Variants in TUFT1 observed in about 807,000 individuals in gnomAD.
The protein encoded by TUFT1 is tuftelin.
A neutral mutation model predicts 57.8 loss-of-function variants in TUFT1; 43 were observed. The ratio of observed to expected loss-of-function variants is 0.74; its 90% CI spans 0.58 to 0.96. The LOEUF is 0.96. TUFT1 is among the 40% of genes least tolerant of loss of function. TUFT1 has a pLI of 0.00. For synonymous variants in TUFT1, 166 were observed against 176.7 expected, an observed-to-expected ratio of 0.94 and a Z score of 0.48; for missense variants, 459 against 489.0, an observed-to-expected ratio of 0.94 and a Z score of 0.58.
At chr1:151,546,621 G>A (rs930214534) in intron 1 of TUFT1, among the ~76,000 whole-genome samples, 1 of 151,980 alleles carries the variant, frequency 6.6e-6, no homozygotes, top group Non-Finnish European at 1.5e-5. Context: ...TGTAATCATC[G>A]GTATGTGATC....
chr1:151,578,012 T>G, intron 9 of TUFT1, among the ~76,000 whole-genome samples: 1 of 148,642 alleles, frequency 6.7e-6, no homozygotes, highest in African/African-American at 2.5e-5. Flanking sequence ...GGCTACAGAG[T>G]GAGACCCTGT....
Position 151,583,350 on chromosome 1 carries a change from T to C in TUFT1, c.*1643T>C, listed in dbSNP as rs2102564026. 6.6e-6 allele frequency: 1 copy of C among 152,338 alleles called. No individual in the cohort carries two copies. The highest frequency in any genetic ancestry group is 2.4e-5 in the African/African-American group (1 of 41,578). 9.4% of individuals were successfully genotyped at this position (152,338 alleles called of 1,614,324 possible). A position where few individuals can be genotyped will look rare whatever the true frequency, so the allele number is the denominator to read the frequency against. On this transcript the variant is annotated 3_prime_UTR_variant, in exon 13 of 13. Transcript: ENST00000368849. ...AAATGTGGATTAAGTGTTTAGGCTC[T>C]ATGTGGCTCACGCAGCCAGAATCCT...
At chr1:151,549,797 C>T (rs1410006916) in intron 1 of TUFT1, among the ~76,000 whole-genome samples, 1 of 152,208 alleles carries the variant, frequency 6.6e-6, no homozygotes, top group East Asian at 1.9e-4. Context: ...TCTTGGCTCA[C>T]TGCCGCCTTG....
chr1:151,542,650 C>G (rs1400793174), intron 1 of TUFT1, among the ~76,000 whole-genome samples: 1 of 152,144 alleles, frequency 6.6e-6, no homozygotes, highest in Non-Finnish European at 1.5e-5. Flanking sequence ...TGAAGCTAAC[C>G]AGAGACCTCT....
intron 9 of TUFT1, among the ~76,000 whole-genome samples, chr1:151,576,718 C>T (rs370899269): frequency 2.0e-4 from 30 of 152,216 alleles, no homozygotes; most frequent in African/African-American, 7.2e-4. Flanking sequence ...CTGCAACCTC[C>T]GCCTCCTGGG....
intron 1 of TUFT1, among the ~76,000 whole-genome samples, chr1:151,544,318 A>G (rs1451177387): frequency 6.6e-6 from 1 of 151,434 alleles, no homozygotes; most frequent in Non-Finnish European, 1.5e-5. Context: ...GAGGGGGAGG[A>G]TGGAGTCTCA....
chr1:151,543,317 TTA>T (rs750176146), intron 1 of TUFT1, among the ~76,000 whole-genome samples: 32 of 105,110 alleles, frequency 3.0e-4, no homozygotes, highest in Admixed American at 1.2e-3. Flanking sequence ...TTTATTTCAG[TTA>T]TATATATATG....
intron 1 of TUFT1, among the ~76,000 whole-genome samples, chr1:151,552,510 C>G (rs987704802): frequency 1.3e-5 from 2 of 152,026 alleles, no homozygotes; most frequent in African/African-American, 4.8e-5. Context: ...TCGAGAGCAG[C>G]CTGCCCAACA....
At position 151,578,746 on chromosome 1, in the gene TUFT1, G is replaced by A. The variant is rs1666557724; in HGVS notation, c.844G>A (p.Ala282Thr). 6.3e-7 allele frequency: 1 copy of A among 1,578,096 alleles called. No individual in the cohort carries two copies. The highest frequency in any genetic ancestry group is 8.6e-7 in the Non-Finnish European group (1 of 1,160,640). ...EKAATLEKEVAGLREKIHHLD... is the reference protein window; with the variant it reads ...EKAATLEKEVTGLREKIHHLD... ...GGCTGCTACCCTGGAAAAGGAAGTG[G>A]CCGGGTTGCGGGAGAAGATCCACCA... Residue 282 changes from alanine (A) to threonine (T), a missense_variant, in exon 10 of 13, where the codon GCC becomes ACC. Coordinates refer to ENST00000368849, the MANE Select transcript of TUFT1 (RefSeq NM_020127.3).
At chr1:151,552,509 G>T (rs558976606) in intron 1 of TUFT1, among the ~76,000 whole-genome samples, 3 of 152,092 alleles carry the variant, frequency 2.0e-5, no homozygotes, top group Non-Finnish European at 2.9e-5. Flanking sequence ...TTCGAGAGCA[G>T]CCTGCCCAAC....
At chr1:151,559,853 G>A (rs563122427) in intron 1 of TUFT1, among the ~76,000 whole-genome samples, 1 of 152,048 alleles carries the variant, frequency 6.6e-6, no homozygotes, top group East Asian at 2.0e-4. Flanking sequence ...GAGTGCAGTG[G>A]CGCGATCTCA....
chr1:151,548,972 C>T (rs1212746516), intron 1 of TUFT1, among the ~76,000 whole-genome samples: 1 of 152,134 alleles, frequency 6.6e-6, no homozygotes, highest in Non-Finnish European at 1.5e-5. Flanking sequence ...GCTGTGGCGT[C>T]TTGATCTCTA....
intron 1 of TUFT1, among the ~76,000 whole-genome samples, chr1:151,560,289 G>A (rs1209640599): frequency 1.3e-5 from 2 of 151,844 alleles, no homozygotes; most frequent in Admixed American, 6.6e-5. Flanking sequence ...GGTGGCAGAT[G>A]CCTGTAATCC....
intron 1 of TUFT1, among the ~76,000 whole-genome samples, chr1:151,555,657 G>A (rs1371559314): frequency 2.7e-4 from 40 of 150,796 alleles, no homozygotes; most frequent in African/African-American, 9.5e-4. Context: ...GGTGCCTATA[G>A]TCCCAGCTAC....
At chr1:151,553,172 A>G (rs1007567873) in intron 1 of TUFT1, among the ~76,000 whole-genome samples, 1 of 151,800 alleles carries the variant, frequency 6.6e-6, no homozygotes, top group Non-Finnish European at 1.5e-5. Flanking sequence ...GCTCACAGCA[A>G]CCTCCACCTC....
intron 1 of TUFT1, among the ~76,000 whole-genome samples, chr1:151,556,004 T>TC (rs941851890): frequency 1.3e-5 from 2 of 151,750 alleles, no homozygotes; most frequent in African/African-American, 2.4e-5. Context: ...ATTTCCCTCC[T>TC]CCCCCCCACT....
At position 151,564,000 on chromosome 1, in the gene TUFT1, C is replaced by T. The variant is rs1338273447; in HGVS notation, c.324+10C>T. The T allele has an allele frequency of 6.2e-7, 1 of 1,608,716 alleles. No homozygotes were observed. The highest frequency in any genetic ancestry group is 1.3e-5 in the African/African-American group (1 of 74,886). On this transcript the variant is annotated intron_variant, in intron 4 of 12. Coordinates refer to ENST00000368849, the MANE Select transcript of TUFT1 (RefSeq NM_020127.3). ...CCAGTACATCCAGGAGGTGGGCACC[C>T]CTTACCTCTCACGCAGTGCCTAGGT...
At chr1:151,553,474 A>C (rs1231640968) in intron 1 of TUFT1, among the ~76,000 whole-genome samples, 1 of 152,168 alleles carries the variant, frequency 6.6e-6, no homozygotes, top group Non-Finnish European at 1.5e-5. Context: ...CTTTGGGGAA[A>C]AGGGGTTCTG....
At chr1:151,573,014 G>C (rs1186692506) in intron 7 of TUFT1, among the ~76,000 whole-genome samples, 1 of 152,204 alleles carries the variant, frequency 6.6e-6, no homozygotes, top group African/African-American at 2.4e-5. Context: ...GCTAGCACTG[G>C]CTGTCATTCA....
Sources: allele counts gnomAD v4.1 joint callset (sites outside exome capture counted in the v4.1 genomes callset), GRCh38; gene constraint gnomAD v4.1.1; transcripts MANE v1.5; gene names NCBI Gene and HGNC (gene_info 2026-07-23, HGNC 2026-07-21).